LMO7: variants seen among roughly 807,000 people sequenced by gnomAD.
LMO7 encodes the protein LIM domain 7.
A neutral mutation model predicts 206.5 loss-of-function variants in LMO7; 120 were observed. The observed-to-expected ratio is 0.58, with a 90% CI of 0.50 to 0.68. LMO7 has a LOEUF of 0.68. Among genes scored for constraint, LMO7 ranks in the 30% least tolerant of loss-of-function variants. The pLI is 0.00. For synonymous variants in LMO7, 706 were observed against 681.5 expected (o/e 1.04, Z -0.56); for missense variants, 1,959 against 1,957.9 (o/e 1.00, Z -0.01).
intron 1 of LMO7, among the ~76,000 whole-genome samples, chr13:75,637,393 T>A (rs546480729): frequency 6.6e-6 from 1 of 152,288 alleles, no homozygotes; most frequent in East Asian, 1.9e-4. Flanking sequence ...ACAGACAAGA[T>A]CTTCCATTCC....
At chr13:75,691,787 C>A (rs769023484) in intron 1 of LMO7, among the ~76,000 whole-genome samples, 1 of 152,124 alleles carries the variant, frequency 6.6e-6, no homozygotes, top group African/African-American at 2.4e-5. Flanking sequence ...ATCCCTCCTC[C>A]TCATTAGGAT....
chr13:75,724,620 CT>C (rs1166835505), intron 2 of LMO7, among the ~76,000 whole-genome samples: 1 of 152,086 alleles, frequency 6.6e-6, no homozygotes, highest in Non-Finnish European at 1.5e-5. Context: ...GGCTATGCCC[CT>C]AATCCTCTAG....
At chr13:75,681,706 GTATATATATATGTATATATATATATA>G (rs1267248192) in intron 1 of LMO7, among the ~76,000 whole-genome samples, 2 of 93,328 alleles carry the variant, frequency 2.1e-5, no homozygotes, top group Non-Finnish European at 4.4e-5. Flanking sequence ...GTATGTATGT[GTATATATATATGTATATATATATATA>G]TATATATATA....
At chr13:75,681,514 C>CT (rs2040478992) in intron 1 of LMO7, among the ~76,000 whole-genome samples, 1 of 151,546 alleles carries the variant, frequency 6.6e-6, no homozygotes, top group South Asian at 2.1e-4. Context: ...AATTATGTAA[C>CT]TGTCAGTCCA....
At chr13:75,815,370 G>A (rs996927556) in intron 11 of LMO7, among the ~76,000 whole-genome samples, 1 of 152,180 alleles carries the variant, frequency 6.6e-6, no homozygotes, top group African/African-American at 2.4e-5. Flanking sequence ...GACGGGACCA[G>A]TTATGGTATA....
chr13:75,792,370 A>T (rs2053433993), intron 4 of LMO7, among the ~76,000 whole-genome samples: 1 of 152,174 alleles, frequency 6.6e-6, no homozygotes, highest in African/African-American at 2.4e-5. Flanking sequence ...CAAAGCTTTG[A>T]GAGTCAAGTA....
At chr13:75,722,404 A>G (rs1001103140) in intron 2 of LMO7, among the ~76,000 whole-genome samples, 1 of 152,190 alleles carries the variant, frequency 6.6e-6, no homozygotes, top group African/African-American at 2.4e-5. Context: ...GACAATTCTC[A>G]AAAGAAGATA....
At chr13:75,696,702 C>T (rs752344038) in intron 1 of LMO7, among the ~76,000 whole-genome samples, 30 of 152,298 alleles carry the variant, frequency 2.0e-4, no homozygotes, top group Non-Finnish European at 3.7e-4. Context: ...GGTTCTTCTA[C>T]ACACTGAACC....
At chr13:75,840,562 A>T (rs1326718411) in intron 22 of LMO7, 67 bp downstream of exon 22, 10 of 1,565,224 alleles carry the variant, frequency 6.4e-6, no homozygotes, top group Non-Finnish European at 8.7e-6. Context: ...CAGTCTGTCA[A>T]CCAGTATTGA....
At chr13:75,795,476 T>G in intron 5 of LMO7, 45 bp downstream of exon 5, 1 of 1,342,806 alleles carries the variant, frequency 7.4e-7, no homozygotes, top group Non-Finnish European at 1.1e-6. Flanking sequence ...TGGCTTTCAC[T>G]TTCATGTTCT....
At chr13:75,641,658 T>C (rs2036542080) in intron 1 of LMO7, among the ~76,000 whole-genome samples, 1 of 152,158 alleles carries the variant, frequency 6.6e-6, no homozygotes, top group African/African-American at 2.4e-5. Flanking sequence ...ACTTTTTCTT[T>C]TACTTTTGTT....
chr13:75,724,753 T>G lies in LMO7; in HGVS notation c.141-2276T>G, dbSNP rs114554946. The stretch of plus-strand genomic sequence containing the variant: ...AAAATAATTTTTGATGATTCAAAAT[T>G]TAATGGGTGTTCAGTATTTGCCAAG... On this transcript the variant is annotated intron_variant, in intron 2 of 30. Transcript: ENST00000377534. 4.8e-3 allele frequency among the ~76,000 whole-genome samples: 738 copies of G among 152,280 alleles called. 8 individuals carry two copies. The highest frequency in any genetic ancestry group is 0.017 in the African/African-American group (697 of 41,580).
intron 3 of LMO7, among the ~76,000 whole-genome samples, chr13:75,758,350 A>G (rs1373837589): frequency 6.6e-6 from 1 of 152,150 alleles, no homozygotes; most frequent in Non-Finnish European, 1.5e-5. Context: ...CTTTGCCTGC[A>G]TCCTTTGAAA....
intron 4 of LMO7, among the ~76,000 whole-genome samples, chr13:75,775,619 A>G (rs9318372): frequency 0.01 from 1,551 of 152,234 alleles, 24 homozygotes; most frequent in East Asian, 0.068. Context: ...AAGAAAAAAC[A>G]ACCTTGTCAA....
At chr13:75,653,850 G>C (rs2037802707) in intron 1 of LMO7, among the ~76,000 whole-genome samples, 1 of 152,162 alleles carries the variant, frequency 6.6e-6, no homozygotes, top group Non-Finnish European at 1.5e-5. Flanking sequence ...ATGAATATTA[G>C]AGATGTTTTT....
intron 1 of LMO7, among the ~76,000 whole-genome samples, chr13:75,666,140 T>C (rs1184367758): frequency 1.3e-5 from 2 of 152,360 alleles, no homozygotes; most frequent in East Asian, 1.9e-4. Context: ...TGTATTGATA[T>C]AGACCATGCA....
At chr13:75,839,322 T>G (rs1326194084) in intron 20 of LMO7, among the ~76,000 whole-genome samples, 1 of 152,230 alleles carries the variant, frequency 6.6e-6, no homozygotes, top group African/African-American at 2.4e-5. Context: ...GGAAGAGTAT[T>G]TTTCTAGGTC....
intron 1 of LMO7, among the ~76,000 whole-genome samples, chr13:75,654,248 A>G (rs1258804361): frequency 6.6e-6 from 1 of 152,242 alleles, no homozygotes; most frequent in Non-Finnish European, 1.5e-5. Context: ...ATCTTCCTGA[A>G]TGGCCAAAAA....
chr13:75,716,164 C>A (rs1223280291), intron 2 of LMO7, among the ~76,000 whole-genome samples: 5 of 152,122 alleles, frequency 3.3e-5, no homozygotes, highest in African/African-American at 1.2e-4. Flanking sequence ...GTAATTTCAG[C>A]AATTTTAAAA....
Sources: gnomAD v4.1 joint callset for allele counts (sites outside exome capture counted in the v4.1 genomes callset) on GRCh38, gnomAD v4.1.1 for gene constraint, MANE v1.5 for transcripts, NCBI Gene and HGNC (gene_info 2026-07-23, HGNC 2026-07-21) for gene names.